SGCZ: variants seen among roughly 807,000 people sequenced by gnomAD.
The protein encoded by SGCZ is sarcoglycan zeta.
In SGCZ, 40 loss-of-function variants were observed where a neutral mutation model predicts 41.3. The ratio of observed to expected loss-of-function variants is 0.97; its 90% confidence interval spans 0.75 to 1.26. The LOEUF is 1.26. Among genes scored for constraint, SGCZ ranks in the 50% most tolerant of loss-of-function variants. The pLI is 0.00. For missense variants in SGCZ, 552 were observed against 369.8 expected (o/e 1.49, Z -4.04); for synonymous variants, 206 against 137.5 (o/e 1.50, Z -3.49).
At chr8:14,463,413 A>G (rs1043060550) in intron 2 of SGCZ, among the ~76,000 whole-genome samples, 3 of 151,070 alleles carry the variant, frequency 2.0e-5, no homozygotes, top group Admixed American at 2.0e-4. Flanking sequence ...TGTAAAAAAA[A>G]AAAAAAAACC....
chr8:14,109,440 A>G lies in SGCZ; in HGVS notation c.548-1205T>C, dbSNP rs575218869. On this transcript the variant is annotated intron_variant, in intron 5 of 7. Coordinates refer to ENST00000382080, the MANE Select transcript of SGCZ (RefSeq NM_139167.4). ...TGCATAAATGTCTTTATCACCCTCA[A>G]AATAAACTTGATGATTTTGTTTTCT... 3.9e-5 allele frequency among the ~76,000 whole-genome samples: 6 copies of G among 152,278 alleles called. No individual in the cohort carries two copies. The South Asian group carries it at 8.3e-4, about 21-fold the overall frequency.
At chr8:14,802,946 C>G (rs573221117) in intron 1 of SGCZ, among the ~76,000 whole-genome samples, 17 of 152,308 alleles carry the variant, frequency 1.1e-4, no homozygotes, top group African/African-American at 4.1e-4. Context: ...AAAACTCCTC[C>G]TCCAGCCCCA....
At chr8:14,650,715 G>A (rs117475070) in intron 1 of SGCZ, among the ~76,000 whole-genome samples, 2,596 of 152,172 alleles carry the variant, frequency 0.017, 52 homozygotes, top group Middle Eastern at 0.061. Flanking sequence ...CCAGGTGAAA[G>A]AGATTTGTTA....
intron 1 of SGCZ, among the ~76,000 whole-genome samples, chr8:14,791,264 G>A (rs1800942291): frequency 6.6e-6 from 1 of 151,948 alleles, no homozygotes. Context: ...GCCAGAGACT[G>A]CTTTTCTTTC....
intron 1 of SGCZ, among the ~76,000 whole-genome samples, chr8:15,115,930 A>G (rs749411447): frequency 3.3e-5 from 5 of 152,246 alleles, no homozygotes; most frequent in Non-Finnish European, 5.9e-5. Context: ...AGCCTCTATA[A>G]TAGTTCAGCA....
chr8:14,793,787 T>C (rs1282757745), intron 1 of SGCZ, among the ~76,000 whole-genome samples: 3 of 152,162 alleles, frequency 2.0e-5, no homozygotes, highest in Non-Finnish European at 4.4e-5. Flanking sequence ...TGTCTACTTC[T>C]CTTTCACCTT....
At chr8:14,197,062 A>G (rs1805288295) in intron 4 of SGCZ, among the ~76,000 whole-genome samples, 1 of 152,188 alleles carries the variant, frequency 6.6e-6, no homozygotes, top group Non-Finnish European at 1.5e-5. Flanking sequence ...ATTTGCTAAA[A>G]ATCATTAAAA....
intron 4 of SGCZ, among the ~76,000 whole-genome samples, chr8:14,234,547 T>C (rs1198428419): frequency 1.3e-5 from 2 of 152,060 alleles, no homozygotes; most frequent in Non-Finnish European, 2.9e-5. Context: ...TTGTTTTACT[T>C]AGAAAATGAA....
intron 4 of SGCZ, among the ~76,000 whole-genome samples, chr8:14,185,999 G>A (rs1804890934): frequency 6.6e-6 from 1 of 152,154 alleles, no homozygotes; most frequent in Non-Finnish European, 1.5e-5. Context: ...GGCATTGGAT[G>A]TTAGTTTGTC....
chr8:14,141,567 G>T (rs1803370033), intron 5 of SGCZ, among the ~76,000 whole-genome samples: 1 of 152,148 alleles, frequency 6.6e-6, no homozygotes, highest in African/African-American at 2.4e-5. Flanking sequence ...ATGCAAAAAG[G>T]CTCATCATCA....
chr8:14,530,836 T>G (rs537316777), intron 2 of SGCZ, among the ~76,000 whole-genome samples: 5 of 152,240 alleles, frequency 3.3e-5, no homozygotes, highest in African/African-American at 1.2e-4. Flanking sequence ...AGAATGATTT[T>G]TAATAGTTCT....
intron 3 of SGCZ, among the ~76,000 whole-genome samples, chr8:14,296,253 C>T (rs1801009091): frequency 6.6e-6 from 1 of 152,108 alleles, no homozygotes; most frequent in Non-Finnish European, 1.5e-5. Flanking sequence ...CATCACAGTA[C>T]TCTGAATGTA....
At chr8:14,869,470 A>C (rs978302443) in intron 1 of SGCZ, among the ~76,000 whole-genome samples, 1 of 152,210 alleles carries the variant, frequency 6.6e-6, no homozygotes. Flanking sequence ...TGACAAACCC[A>C]CAGCCAATAT....
At chr8:15,141,337 G>C (rs62499832) in intron 1 of SGCZ, among the ~76,000 whole-genome samples, 2,143 of 152,302 alleles carry the variant, frequency 0.014, 19 homozygotes, top group Non-Finnish European at 0.022. Context: ...ACTTTACACA[G>C]TATTTCAATG....
At position 14,702,846 on chromosome 8, in the gene SGCZ, TAGATA is replaced by T. The variant is rs1434263409; in HGVS notation, c.40-147925_40-147921del. ...ATAGATAGATAGATAGATAGATAGA[TAGATA>T]GATAGATAGATAGATAGATAGATAG... is the stretch of plus-strand genomic sequence containing the variant. On this transcript the variant is annotated intron_variant, in intron 1 of 7. Coordinates refer to ENST00000382080, the MANE Select transcript of SGCZ (RefSeq NM_139167.4). 1.3e-4 allele frequency among the ~76,000 whole-genome samples: 17 copies of T among 133,788 alleles called. 1 individual carries two copies. The highest frequency in any genetic ancestry group is 4.6e-4 in the African/African-American group (17 of 36,608). 87.8% of individuals were successfully genotyped at this position (133,788 alleles called of 152,430 possible).
intron 1 of SGCZ, among the ~76,000 whole-genome samples, chr8:14,659,379 TA>T (rs1393884842): frequency 2.0e-5 from 3 of 152,316 alleles, no homozygotes; most frequent in African/African-American, 7.2e-5. Context: ...TTGTATCAAT[TA>T]TAATGTAAAA....
chr8:15,223,991 A>C (rs1801691693), intron 1 of SGCZ, among the ~76,000 whole-genome samples: 1 of 151,982 alleles, frequency 6.6e-6, no homozygotes, highest in Admixed American at 6.6e-5. Context: ...AGTAGCTGGG[A>C]TTACAGGCAT....
At chr8:14,795,607 C>T (rs2243692) in intron 1 of SGCZ, among the ~76,000 whole-genome samples, 54,205 of 151,872 alleles carry the variant, frequency 0.36, 11,460 homozygotes, top group East Asian at 0.49. Context: ...CTATTTTTTG[C>T]GTGCAAATTA....
At chr8:14,896,389 G>A (rs564972871) in intron 1 of SGCZ, among the ~76,000 whole-genome samples, 10 of 152,098 alleles carry the variant, frequency 6.6e-5, no homozygotes, top group Non-Finnish European at 1.5e-4. Flanking sequence ...CAGAGTTACT[G>A]GGGGCAAATA....
Sources: allele counts gnomAD v4.1 joint callset (sites outside exome capture counted in the v4.1 genomes callset), GRCh38; gene constraint gnomAD v4.1.1; transcripts MANE v1.5; gene names NCBI Gene and HGNC (gene_info 2026-07-23, HGNC 2026-07-21).